The following PDCL2 variants were observed in gnomAD, a reference collection of about 807,000 sequenced individuals.
The protein encoded by PDCL2 is phosducin like 2.
Under a neutral mutation model 30.3 loss-of-function variants are expected in PDCL2, and 23 were observed. That is an observed-to-expected ratio of 0.76 (90% CI 0.55 to 1.08). The LOEUF is 1.08. Among genes scored for constraint, PDCL2 ranks in the 50% least tolerant of loss-of-function variants. The pLI is 0.00. For missense variants in PDCL2, 243 were observed against 282.3 expected (o/e 0.86, Z 1.00); for synonymous variants, 68 against 86.2 (o/e 0.79, Z 1.17).
At chr4:55,583,687 TTG>T (rs1297058030) in intron 1 of PDCL2, among the ~76,000 whole-genome samples, 1 of 152,194 alleles carries the variant, frequency 6.6e-6, no homozygotes, top group Non-Finnish European at 1.5e-5. Context: ...CTTTTCCCCA[TTG>T]TGTGTTCTTG....
chr4:55,558,698 T>C (rs1430524065), intron 5 of PDCL2, among the ~76,000 whole-genome samples: 1 of 152,142 alleles, frequency 6.6e-6, no homozygotes, highest in Non-Finnish European at 1.5e-5. Flanking sequence ...TTTTTCACCT[T>C]GGGAATACAG....
At chr4:55,560,088 T>C (rs1222398025) in intron 5 of PDCL2, among the ~76,000 whole-genome samples, 2 of 151,582 alleles carry the variant, frequency 1.3e-5, no homozygotes, top group Non-Finnish European at 2.9e-5. Context: ...CTGAACTGTA[T>C]GCTTAAAAAT....
intron 4 of PDCL2, among the ~76,000 whole-genome samples, chr4:55,565,973 G>GTTT (rs71194595): frequency 0.023 from 1,720 of 74,506 alleles, 133 homozygotes; most frequent in African/African-American, 0.044. Flanking sequence ...CCATTTTTCT[G>GTTT]TTTTTTTTTT....
chr4:55,571,700 ATT>A (rs67487510), intron 3 of PDCL2, among the ~76,000 whole-genome samples: 14 of 138,630 alleles, frequency 1.0e-4, no homozygotes, highest in South Asian at 2.3e-4. Context: ...AAAAAAAAAA[ATT>A]TTTGACCTTA....
At chr4:55,587,419 AT>A (rs1020004294) in intron 1 of PDCL2, among the ~76,000 whole-genome samples, 1 of 151,870 alleles carries the variant, frequency 6.6e-6, no homozygotes, top group Admixed American at 6.6e-5. Flanking sequence ...TCTTTTGCCC[AT>A]TTTTATATTG....
chr4:55,586,760 G>C (rs1351057474), intron 1 of PDCL2, among the ~76,000 whole-genome samples: 6 of 152,174 alleles, frequency 3.9e-5, no homozygotes, highest in African/African-American at 1.2e-4. Context: ...TTCCACAGCA[G>C]TTGTGCAATT....
Position 55,592,086 on chromosome 4 carries a change from G to A in PDCL2, c.6+18C>T, listed in dbSNP as rs778949453. 4.4e-6 allele frequency: 7 copies of A among 1,608,646 alleles called. No individual in the cohort carries two copies. The highest frequency in any genetic ancestry group is 1.7e-4 in the Middle Eastern group (1 of 6,056). ...CCACTGGGTGTTCCAGGGTGGCTCG[G>A]CAGGTCCCGACCCTCACCTGCATGA... On this transcript the variant is annotated intron_variant, in intron 1 of 5. Transcript: ENST00000295645.
intron 3 of PDCL2, among the ~76,000 whole-genome samples, chr4:55,574,830 G>T (rs1349365843): frequency 6.6e-6 from 1 of 152,178 alleles, no homozygotes; most frequent in Non-Finnish European, 1.5e-5. Context: ...TGTATAGACT[G>T]ATGACATTTA....
At chr4:55,568,789 G>GATAAAGCT (rs1474711901) in intron 4 of PDCL2, among the ~76,000 whole-genome samples, 1 of 152,148 alleles carries the variant, frequency 6.6e-6, no homozygotes, top group Non-Finnish European at 1.5e-5. Flanking sequence ...TTAATCACTG[G>GATAAAGCT]ATAAAGCTCT....
In PDCL2 at chr4:55,565,983, T is replaced by G. The variant is rs112651686; in HGVS notation, c.363-3371A>C. On this transcript the variant is annotated intron_variant, in intron 4 of 5. Transcript: ENST00000295645. Reference sequence around the variant, plus strand: ...TAAATCCATTTTTCTGTTTTTTTTTTTTTTTTTTTTTTTTTGAGATGGAGT... The same window carrying G: ...TAAATCCATTTTTCTGTTTTTTTTTGTTTTTTTTTTTTTTTGAGATGGAGT... Among the ~76,000 whole-genome samples, 347 of 130,844 alleles carry G rather than the reference T, an allele frequency of 2.7e-3. 1 individual carries two copies. The highest frequency in any genetic ancestry group is 0.011 in the African/African-American group (329 of 31,206). The allele number at this position is 130,844 out of a possible 152,430, so 85.8% of individuals were successfully genotyped here. A position where few individuals can be genotyped will look rare whatever the true frequency, so the allele number is the denominator to read the frequency against.
At chr4:55,568,334 G>C (rs1028257535) in intron 4 of PDCL2, among the ~76,000 whole-genome samples, 1 of 152,104 alleles carries the variant, frequency 6.6e-6, no homozygotes, top group Non-Finnish European at 1.5e-5. Context: ...AGGGACAGTG[G>C]GTTATACTTA....
At chr4:55,558,853 T>C (rs1732050930) in intron 5 of PDCL2, among the ~76,000 whole-genome samples, 1 of 152,188 alleles carries the variant, frequency 6.6e-6, no homozygotes, top group African/African-American at 2.4e-5. Context: ...ATAAAAATAG[T>C]ATCCAGAACT....
chr4:55,578,558 T>C (rs1218297489), intron 3 of PDCL2, among the ~76,000 whole-genome samples: 1 of 152,120 alleles, frequency 6.6e-6, no homozygotes, highest in African/African-American at 2.4e-5. Flanking sequence ...GAGTTCCCTA[T>C]TCTGCTATTT....
intron 5 of PDCL2, among the ~76,000 whole-genome samples, chr4:55,559,821 G>C (rs1732077049): frequency 6.6e-6 from 1 of 152,154 alleles, no homozygotes; most frequent in African/African-American, 2.4e-5. Flanking sequence ...CTGATAACAT[G>C]CTACCACATG....
chr4:55,566,986 T>A (rs1732285534), intron 4 of PDCL2, among the ~76,000 whole-genome samples: 1 of 152,184 alleles, frequency 6.6e-6, no homozygotes. Flanking sequence ...AGAAGCCATA[T>A]CTACTCTGCT....
At chr4:55,591,626 C>T (rs748594540) in intron 1 of PDCL2, among the ~76,000 whole-genome samples, 2 of 152,092 alleles carry the variant, frequency 1.3e-5, no homozygotes, top group Non-Finnish European at 2.9e-5. Context: ...ACCTGTGATC[C>T]GCCCGCCTCC....
chr4:55,564,466 A>G (rs1732211509), intron 4 of PDCL2, among the ~76,000 whole-genome samples: 2 of 152,226 alleles, frequency 1.3e-5, no homozygotes, highest in Admixed American at 1.3e-4. Flanking sequence ...TCACAAAACA[A>G]GTTAAGAGAC....
At chr4:55,566,141 G>A (rs976110656) in intron 4 of PDCL2, among the ~76,000 whole-genome samples, 7 of 151,654 alleles carry the variant, frequency 4.6e-5, no homozygotes, top group South Asian at 2.1e-4. Context: ...CACCATGCCC[G>A]GCTAATTTTT....
chr4:55,576,915 T>TA (rs1445754636), intron 3 of PDCL2, among the ~76,000 whole-genome samples: 1 of 151,946 alleles, frequency 6.6e-6, no homozygotes, highest in Non-Finnish European at 1.5e-5. Context: ...TTTTTTTTTT[T>TA]GAGACGGAGT....
Sources: allele counts gnomAD v4.1 joint callset (sites outside exome capture counted in the v4.1 genomes callset), GRCh38; gene constraint gnomAD v4.1.1; transcripts MANE v1.5; gene names NCBI Gene and HGNC (gene_info 2026-07-23, HGNC 2026-07-21).